Variants in PRIM2 observed in about 807,000 individuals in gnomAD.
PRIM2 encodes DNA primase subunit 2.
In PRIM2, 39 loss-of-function variants were observed where a neutral mutation model predicts 67.3. The ratio of observed to expected loss-of-function variants is 0.58; its 90% confidence interval spans 0.45 to 0.76. PRIM2 has a LOEUF of 0.76. PRIM2 is among the 30% of genes least tolerant of loss of function. PRIM2 has a pLI of 0.00. For missense variants in PRIM2, 398 were observed against 598.7 expected (o/e 0.66, Z 3.50); for synonymous variants, 143 against 198.7 (o/e 0.72, Z 2.36).
chr6:57,606,382 A>T lies in PRIM2; in HGVS notation c.1155A>T (p.Pro385=). The T allele has an allele frequency of 1.3e-6, 2 of 1,596,084 alleles. No individual in the cohort carries two copies. Among genetic ancestry groups the T allele is most frequent in the Non-Finnish European group, 1.7e-6 (2 of 1,170,038 alleles). The change falls in exon 12 of 14, where the codon CCA becomes CCT. Residue 385 remains proline, a synonymous_variant. Coordinates refer to ENST00000615550, the MANE Select transcript of PRIM2 (RefSeq NM_000947.5). ...PPSQGDYHGC[P]FRHSDPELLK... is the part of the protein sequence containing the mutation. ...CTTATTTTTTGTTGTCAGGGTGCCC[A>T]TTCCGTCACAGTGATCCAGAGCTGC... is the stretch of plus-strand genomic sequence containing the variant.
At chr6:57,422,881 G>C (rs1221563995) in intron 7 of PRIM2, among the ~76,000 whole-genome samples, 2 of 152,150 alleles carry the variant, frequency 1.3e-5, no homozygotes, top group Non-Finnish European at 2.9e-5. Context: ...GTATTTTGCA[G>C]GTGAATTTTT....
At chr6:57,522,675 C>T (rs1774650713) in intron 8 of PRIM2, among the ~76,000 whole-genome samples, 1 of 152,046 alleles carries the variant, frequency 6.6e-6, no homozygotes, top group Non-Finnish European at 1.5e-5. Flanking sequence ...AATATGTAAT[C>T]ACTATGAAAA....
chr6:57,460,770 C>G (rs1324894433), intron 7 of PRIM2, among the ~76,000 whole-genome samples: 3 of 152,126 alleles, frequency 2.0e-5, no homozygotes, highest in Admixed American at 1.3e-4. Context: ...TGGATTTTCC[C>G]TATGACAAAT....
the PRIM2 span, among the ~76,000 whole-genome samples, chr6:57,245,434 G>C: frequency 6.6e-6 from 1 of 152,178 alleles, no homozygotes; most frequent in Non-Finnish European, 1.5e-5. Context: ...CATCACTGGA[G>C]GTGCCAGTAA....
the PRIM2 span, among the ~76,000 whole-genome samples, chr6:57,308,136 C>T: frequency 6.8e-5 from 10 of 147,514 alleles, no homozygotes; most frequent in South Asian, 2.1e-3. Flanking sequence ...TTTTTTCTCT[C>T]TTTTTTTTTT....
chr6:57,582,117 G>GCCCCA (rs1776094758), intron 10 of PRIM2, among the ~76,000 whole-genome samples: 3 of 152,194 alleles, frequency 2.0e-5, no homozygotes, highest in Non-Finnish European at 4.4e-5. Flanking sequence ...GAGCGACCAT[G>GCCCCA]CCTGTTAGAA....
At chr6:57,333,256 T>C (rs1768116945) in intron 5 of PRIM2, among the ~76,000 whole-genome samples, 1 of 152,176 alleles carries the variant, frequency 6.6e-6, no homozygotes. Flanking sequence ...AAAAATGTAT[T>C]TATAATACTG....
chr6:57,269,758 T>C, the PRIM2 span, among the ~76,000 whole-genome samples: 49 of 152,246 alleles, frequency 3.2e-4, no homozygotes, highest in African/African-American at 1.1e-3. Context: ...GTTTTTACGG[T>C]TTTAGGTCTA....
At chr6:57,250,112 C>G in the PRIM2 span, among the ~76,000 whole-genome samples, 1 of 152,216 alleles carries the variant, frequency 6.6e-6, no homozygotes, top group African/African-American at 2.4e-5. Flanking sequence ...TGACCTAGTC[C>G]TGTGTGCCTG....
intron 5 of PRIM2, among the ~76,000 whole-genome samples, chr6:57,355,989 C>G (rs947820706): frequency 6.6e-6 from 1 of 152,098 alleles, no homozygotes; most frequent in African/African-American, 2.4e-5. Context: ...GGCCCAGTAA[C>G]AGAAAATGTT....
At chr6:57,610,320 G>A (rs1380410265) in intron 12 of PRIM2, among the ~76,000 whole-genome samples, 2 of 152,182 alleles carry the variant, frequency 1.3e-5, no homozygotes, top group South Asian at 2.1e-4. Context: ...GGCCTGCCTC[G>A]GCCTCCCACA....
At chr6:57,508,000 G>A (rs1554347357) in intron 8 of PRIM2, among the ~76,000 whole-genome samples, 14 of 152,190 alleles carry the variant, frequency 9.2e-5, no homozygotes, top group East Asian at 7.7e-4. Flanking sequence ...GCAGTGGTGC[G>A]ATCTCCGCTC....
chr6:57,311,578 C>A (rs1228083468), upstream of PRIM2, among the ~76,000 whole-genome samples: 1 of 152,110 alleles, frequency 6.6e-6, no homozygotes, highest in Non-Finnish European at 1.5e-5. Flanking sequence ...CCTTACATCC[C>A]AGACGATGGG....
At chr6:57,401,863 C>T (rs1770719466) in intron 7 of PRIM2, among the ~76,000 whole-genome samples, 1 of 152,142 alleles carries the variant, frequency 6.6e-6, no homozygotes, top group Non-Finnish European at 1.5e-5. Flanking sequence ...CTTGGCTCAA[C>T]TGCAGCTTGT....
At chr6:57,244,141 C>T in the PRIM2 span, among the ~76,000 whole-genome samples, 1 of 152,182 alleles carries the variant, frequency 6.6e-6, no homozygotes, top group African/African-American at 2.4e-5. Context: ...TCACCTACCG[C>T]AGCCAATCAG....
chr6:57,286,467 G>A, the PRIM2 span, among the ~76,000 whole-genome samples: 30,644 of 151,876 alleles, frequency 0.2, 3,542 homozygotes, highest in African/African-American at 0.31. Flanking sequence ...ATCTACAACC[G>A]TCTCATCTTC....
the PRIM2 span, among the ~76,000 whole-genome samples, chr6:57,275,553 A>G: frequency 1.3e-5 from 2 of 152,246 alleles, no homozygotes; most frequent in Non-Finnish European, 2.9e-5. Flanking sequence ...ATGAATCCAA[A>G]TATTTGCTTT....
intron 8 of PRIM2, among the ~76,000 whole-genome samples, chr6:57,527,193 T>C (rs1197451718): frequency 6.6e-6 from 1 of 152,200 alleles, no homozygotes; most frequent in Non-Finnish European, 1.5e-5. Flanking sequence ...GAAAAAACCA[T>C]TCACCTGGAA....
chr6:57,481,585 GT>G (rs1235373337), intron 7 of PRIM2, among the ~76,000 whole-genome samples: 54 of 145,236 alleles, frequency 3.7e-4, no homozygotes, highest in East Asian at 4.0e-4. Flanking sequence ...AGGTTTTTGG[GT>G]TTTTTTTTTT....
Sources: gnomAD v4.1 joint callset for allele counts (sites outside exome capture counted in the v4.1 genomes callset) on GRCh38, gnomAD v4.1.1 for gene constraint, MANE v1.5 for transcripts, NCBI Gene and HGNC (gene_info 2026-07-23, HGNC 2026-07-21) for gene names.